Variants in ANAPC1 observed in about 807,000 individuals in gnomAD.
ANAPC1 encodes the protein anaphase-promoting complex subunit 1.
In ANAPC1, 36 loss-of-function variants were observed where a neutral mutation model predicts 208.0. That is an observed-to-expected ratio of 0.17 (90% CI 0.13 to 0.23). The LOEUF (loss-of-function observed/expected upper bound fraction) is 0.23. Ranked by LOEUF, ANAPC1 falls within the 10% of genes least tolerant of loss-of-function variation. ANAPC1 has a pLI of 1.00. For missense variants in ANAPC1, 942 were observed against 2,011.6 expected (o/e 0.47, Z 10.17); for synonymous variants, 378 against 695.2 (o/e 0.54, Z 7.18).
At chr2:111,870,710 A>C (rs1399075547) in intron 6 of ANAPC1, among the ~76,000 whole-genome samples, 3 of 152,110 alleles carry the variant, frequency 2.0e-5, no homozygotes, top group African/African-American at 7.2e-5. Flanking sequence ...ATTAGGTCCC[A>C]TTTATTTATT....
At chr2:111,825,242 T>C (rs1679771074) in intron 22 of ANAPC1, 75 bp from the exon 23 acceptor site, 5 of 1,561,440 alleles carry the variant, frequency 3.2e-6, no homozygotes, top group Admixed American at 2.0e-5. Context: ...TAGAAAACAT[T>C]TGAAAATAAG....
Position 111,850,759 on chromosome 2 carries a change from C to G in ANAPC1, c.1650+17G>C. 6.2e-7 allele frequency: 1 copy of G among 1,609,016 alleles called. No homozygotes were observed. Among genetic ancestry groups the G allele is most frequent in the Non-Finnish European group, 8.5e-7 (1 of 1,179,208 alleles). On this transcript the variant is annotated intron_variant, in intron 14 of 47. Transcript: ENST00000341068. ...AAAAAATGTTAACTTTTTGGCAACA[C>G]CTAGTCCTTTTCTTACCTCGTCCAA...
At chr2:111,836,091 C>T (rs1385734096) in intron 18 of ANAPC1, among the ~76,000 whole-genome samples, 1 of 151,782 alleles carries the variant, frequency 6.6e-6, no homozygotes, top group Non-Finnish European at 1.5e-5. Context: ...GAGTGTTTAA[C>T]ATCCTCCAAC....
chr2:111,837,311 G>C (rs561655364), intron 18 of ANAPC1, among the ~76,000 whole-genome samples: 1 of 152,210 alleles, frequency 6.6e-6, no homozygotes, highest in African/African-American at 2.4e-5. Flanking sequence ...TAGAAGAAGA[G>C]AATAAAGCTG....
intron 24 of ANAPC1, among the ~76,000 whole-genome samples, chr2:111,823,150 C>T (rs1679635836): frequency 6.6e-6 from 1 of 150,944 alleles, no homozygotes. Flanking sequence ...GCTGGGACTA[C>T]AGGCGCCCGC....
downstream of ANAPC1, chr2:111,766,941 C>T (rs551711488): frequency 4.2e-5 from 20 of 470,770 alleles, no homozygotes; most frequent in African/African-American, 6.0e-5. Flanking sequence ...GGGCGGCACA[C>T]GGCGAGGTTC....
chr2:111,769,676 T>TGAGA (rs67762620), intron 47 of ANAPC1, among the ~76,000 whole-genome samples: 21 of 782 alleles, frequency 0.027, 3 homozygotes, highest in Middle Eastern at 0.17. Flanking sequence ...ACCTACTGGC[T>TGAGA]TTCTTTTTTT....
chr2:111,868,041 G>A lies in ANAPC1; in HGVS notation c.667C>T (p.Leu223Phe). 6 of 1,590,964 alleles carry A rather than the reference G, an allele frequency of 3.8e-6. No individual in the cohort carries two copies. Among genetic ancestry groups the A allele is most frequent in the Non-Finnish European group, 5.1e-6 (6 of 1,169,764 alleles). Residue 223 changes from leucine to phenylalanine, a missense_variant, in exon 7 of 48, where the codon CTT (leucine) becomes TTT (phenylalanine). Leu to Phe is a conservative substitution (Grantham distance 22). Coordinates refer to ENST00000341068, the MANE Select transcript of ANAPC1 (RefSeq NM_022662.4). ...CACTTACTTCCAGATTTACAAACAA[G>A]TGGAGTTATTTCATCTAGTGGGTGC... ...MLHPLDEITPLVCKSGSLFGS... is the reference protein window; with the variant it reads ...MLHPLDEITPFVCKSGSLFGS...
chr2:111,834,569 C>G (rs1680359302), intron 19 of ANAPC1, 35 bp downstream of exon 19: 1 of 1,431,584 alleles, frequency 7.0e-7, no homozygotes, highest in Admixed American at 2.5e-5. Flanking sequence ...CATCTCAGGA[C>G]TTCCTGGCAG....
chr2:111,784,487 C>T (rs1454558265), intron 40 of ANAPC1, 87 bp from the exon 41 acceptor site: 1 of 1,519,826 alleles, frequency 6.6e-7, no homozygotes, highest in East Asian at 2.3e-5. Context: ...ATACCTCCCC[C>T]TATCCCCGCA....
At chr2:111,880,481 A>G in intron 2 of ANAPC1, 132 bp downstream of exon 2, 1 of 1,434,334 alleles carries the variant, frequency 7.0e-7, no homozygotes, top group Non-Finnish European at 9.2e-7. Context: ...ACATTTATTG[A>G]AATTACCACA....
At chr2:111,857,232 G>T (rs1230764089) in intron 11 of ANAPC1, among the ~76,000 whole-genome samples, 1 of 152,400 alleles carries the variant, frequency 6.6e-6, no homozygotes, top group Non-Finnish European at 1.5e-5. Flanking sequence ...GAAATAAAGT[G>T]TGTACATCAT....
Position 111,830,603 on chromosome 2 carries a change from T to C in ANAPC1, c.2625+683A>G, listed in dbSNP as rs571181831. On this transcript the variant is annotated intron_variant, in intron 21 of 47. Transcript: ENST00000341068. ...AAGGTAGAAACCAGAAGAAAATATC[T>C]GCAAACCACATATCTGACAAAACCT... 3.6e-3 allele frequency among the ~76,000 whole-genome samples: 543 copies of C among 152,248 alleles called. 2 individuals are homozygous for C. Among genetic ancestry groups the C allele is most frequent in the Non-Finnish European group, 5.8e-3 (392 of 68,014 alleles).
chr2:111,855,869 T>C (rs1257544098), intron 13 of ANAPC1, among the ~76,000 whole-genome samples: 2 of 152,134 alleles, frequency 1.3e-5, no homozygotes, highest in Non-Finnish European at 2.9e-5. Context: ...TTATTCAAAT[T>C]GTATGTATTT....
chr2:111,879,396 T>TATTC (rs1299572008), intron 2 of ANAPC1, among the ~76,000 whole-genome samples: 1 of 152,188 alleles, frequency 6.6e-6, no homozygotes, highest in Non-Finnish European at 1.5e-5. Context: ...ATCACATATA[T>TATTC]ATTCACCTTC....
At chr2:111,826,122 G>C (rs183759578) in intron 21 of ANAPC1, among the ~76,000 whole-genome samples, 1 of 152,016 alleles carries the variant, frequency 6.6e-6, no homozygotes, top group Non-Finnish European at 1.5e-5. Flanking sequence ...TCATGACCTC[G>C]AGCAATCCTT....
At chr2:111,784,244 T>G (rs1191962353) in intron 41 of ANAPC1, 79 bp downstream of exon 41, 54 of 1,612,796 alleles carry the variant, frequency 3.3e-5, no homozygotes, top group Non-Finnish European at 4.2e-5. Context: ...AGCTGAGGCT[T>G]TTATTTAGCT....
intron 16 of ANAPC1, among the ~76,000 whole-genome samples, chr2:111,846,024 T>C (rs189111615): frequency 4.0e-5 from 6 of 150,864 alleles, no homozygotes; most frequent in South Asian, 2.1e-4. Context: ...GGAATCTCTA[T>C]ATCAACTTGG....
intron 14 of ANAPC1, among the ~76,000 whole-genome samples, chr2:111,849,004 C>T (rs1681243242): frequency 6.6e-6 from 1 of 152,196 alleles, no homozygotes. Flanking sequence ...GCAGATGCTT[C>T]CAATCTTAAA....
Sources: allele counts gnomAD v4.1 joint callset (sites outside exome capture counted in the v4.1 genomes callset), GRCh38; gene constraint gnomAD v4.1.1; transcripts MANE v1.5; gene names NCBI Gene and HGNC (gene_info 2026-07-23, HGNC 2026-07-21).